The following CERS6 variants were observed in gnomAD, a reference collection of about 807,000 sequenced individuals.
CERS6 encodes LAG1 homolog, ceramide synthase 6.
CERS6 carries 26 observed loss-of-function variants against 56.8 expected under a neutral mutation model. The observed-to-expected ratio is 0.46, with a 90% CI of 0.34 to 0.63. The LOEUF is 0.63. Among genes scored for constraint, CERS6 ranks in the 30% least tolerant of loss-of-function variants. The probability of loss-of-function intolerance (pLI) is 0.01; values close to 1 mark genes in which losing one functional copy is unlikely to be tolerated. For synonymous variants in CERS6, 164 were observed against 173.3 expected (o/e 0.95, Z 0.42); for missense variants, 415 against 467.5 (o/e 0.89, Z 1.04).
rs75358647 is a variant in CERS6 at position 168,567,372 on chromosome 2, G to A, written c.407+6050G>A. Among the ~76,000 whole-genome samples, 619 of 152,192 alleles carry A rather than the reference G, an allele frequency of 4.1e-3. 4 individuals carry two copies. Among genetic ancestry groups the A allele is most frequent in the African/African-American group, 0.014 (566 of 41,526 alleles). ...GGTCAGCAAACTTTTCCTATAAATG[G>A]CCATGAAATAAATATTTTAGATCAT... is the stretch of plus-strand genomic sequence containing the variant. On this transcript the variant is annotated intron_variant, in intron 3 of 9. Coordinates refer to ENST00000305747, the MANE Select transcript of CERS6 (RefSeq NM_203463.3).
In CERS6 at chr2:168,724,639, A is replaced by G. The variant is rs550056376; in HGVS notation, c.845+6661A>G. ...CCTGAGCTAGACATAAAGGTTCTCC[A>G]AGGCCCCACCAGAGTAGCTAGATAC... is the stretch of plus-strand genomic sequence containing the variant. On this transcript the variant is annotated intron_variant, in intron 8 of 9. Coordinates refer to ENST00000305747, the MANE Select transcript of CERS6 (RefSeq NM_203463.3). Among the ~76,000 whole-genome samples the G allele has an allele frequency of 2.5e-3, 374 of 152,250 alleles. 1 individual carries two copies. Among genetic ancestry groups the G allele is most frequent in the African/African-American group, 8.4e-3 (350 of 41,518 alleles).
chr2:168,716,538 T>G (rs1045160654), intron 7 of CERS6, among the ~76,000 whole-genome samples: 1 of 152,154 alleles, frequency 6.6e-6, no homozygotes, highest in African/African-American at 2.4e-5. Flanking sequence ...TAGATTCTCT[T>G]AAACATTATA....
rs1217054410 is a variant in CERS6 at position 168,765,620 on chromosome 2, T to C, written c.874T>C (p.Trp292Arg). Reference protein sequence around the residue: ...WVLNTTLFESWEIVGPYPSWW... With the variant: ...WVLNTTLFESREIVGPYPSWW... ...GTTAAATACCACATTATTTGAAAGC[T>C]GGGAGATCGTTGGACCTTACCCTTC... is the stretch of plus-strand genomic sequence containing the variant. The change falls in exon 9 of 10, where the codon TGG becomes CGG. Residue 292 changes from tryptophan to arginine, a missense_variant. Trp to Arg is a moderately radical substitution (Grantham distance 101). Transcript: ENST00000305747. 6.2e-7 allele frequency: 1 copy of C among 1,613,990 alleles called. No individual in the cohort carries two copies. The highest frequency in any genetic ancestry group is 8.5e-7 in the Non-Finnish European group (1 of 1,179,956).
intron 1 of CERS6, among the ~76,000 whole-genome samples, chr2:168,505,980 A>AG (rs1226857452): frequency 1.3e-5 from 2 of 152,072 alleles, no homozygotes; most frequent in Non-Finnish European, 2.9e-5. Context: ...AAGGCTCCTG[A>AG]GCTGCTTTAT....
intron 1 of CERS6, among the ~76,000 whole-genome samples, chr2:168,516,360 CAT>C (rs1694884149): frequency 6.6e-6 from 1 of 151,994 alleles, no homozygotes; most frequent in African/African-American, 2.4e-5. Context: ...TATGTAATAT[CAT>C]ATAATAAATA....
intron 1 of CERS6, among the ~76,000 whole-genome samples, chr2:168,491,442 T>C (rs1166525801): frequency 2.6e-5 from 4 of 152,188 alleles, no homozygotes; most frequent in Non-Finnish European, 5.9e-5. Context: ...CTGCCACTTA[T>C]CATATTAGTA....
At chr2:168,658,121 G>A (rs1393766212) in intron 4 of CERS6, among the ~76,000 whole-genome samples, 1 of 152,156 alleles carries the variant, frequency 6.6e-6, no homozygotes, top group Non-Finnish European at 1.5e-5. Flanking sequence ...ACTTCTCTGT[G>A]CCTCAGTTTC....
At chr2:168,670,063 T>A (rs778929357) in intron 4 of CERS6, among the ~76,000 whole-genome samples, 14 of 152,214 alleles carry the variant, frequency 9.2e-5, no homozygotes, top group Admixed American at 2.6e-4. Context: ...GCAATTGGGG[T>A]GATCTAAAGA....
intron 3 of CERS6, among the ~76,000 whole-genome samples, chr2:168,573,206 T>TA (rs1198818621): frequency 4.6e-5 from 7 of 152,146 alleles, no homozygotes; most frequent in African/African-American, 9.7e-5. Context: ...AAAAAAAGGA[T>TA]AAAATCACTG....
chr2:168,537,072 C>G (rs1371440602), intron 1 of CERS6, among the ~76,000 whole-genome samples: 1 of 152,078 alleles, frequency 6.6e-6, no homozygotes, highest in East Asian at 1.9e-4. Flanking sequence ...CTTTTTTCCA[C>G]ATGGGCTTTG....
At chr2:168,753,932 G>C (rs1328117223) in intron 8 of CERS6, among the ~76,000 whole-genome samples, 1 of 152,018 alleles carries the variant, frequency 6.6e-6, no homozygotes, top group Admixed American at 6.6e-5. Flanking sequence ...TGCCGCCCAC[G>C]CCATGCCCAA....
chr2:168,746,286 T>C (rs191922062), intron 8 of CERS6, among the ~76,000 whole-genome samples: 58 of 152,358 alleles, frequency 3.8e-4, no homozygotes, highest in Non-Finnish European at 3.4e-4. Context: ...AATTACGGAA[T>C]CTAAACAATT....
At chr2:168,688,689 A>T (rs1022860768) in intron 4 of CERS6, among the ~76,000 whole-genome samples, 1 of 152,200 alleles carries the variant, frequency 6.6e-6, no homozygotes, top group African/African-American at 2.4e-5. Flanking sequence ...TTCTGTATGA[A>T]AGAATATATT....
intron 2 of CERS6, among the ~76,000 whole-genome samples, chr2:168,552,429 A>G (rs1695592944): frequency 6.6e-6 from 1 of 151,950 alleles, no homozygotes. Flanking sequence ...AATGAAAGAA[A>G]ATCTCACAAA....
intron 3 of CERS6, among the ~76,000 whole-genome samples, chr2:168,563,448 T>C (rs1421229402): frequency 1.3e-5 from 2 of 152,186 alleles, no homozygotes; most frequent in African/African-American, 4.8e-5. Flanking sequence ...AATAGTGTTA[T>C]GGAAATAAGA....
intron 8 of CERS6, among the ~76,000 whole-genome samples, chr2:168,745,385 G>A (rs11904575): frequency 0.087 from 13,240 of 151,960 alleles, 945 homozygotes; most frequent in East Asian, 0.42. Context: ...GGGACTACAG[G>A]CGCCCACCAC....
At chr2:168,610,185 G>T (rs1410841595) in intron 3 of CERS6, among the ~76,000 whole-genome samples, 2 of 151,938 alleles carry the variant, frequency 1.3e-5, no homozygotes, top group Non-Finnish European at 2.9e-5. Flanking sequence ...CACCATGTTG[G>T]CCAGGATGGT....
intron 1 of CERS6, among the ~76,000 whole-genome samples, chr2:168,494,020 C>T (rs1012199718): frequency 6.6e-6 from 1 of 152,064 alleles, no homozygotes; most frequent in Non-Finnish European, 1.5e-5. Flanking sequence ...CCAGAAGAGC[C>T]TCCTTTCTAC....
intron 4 of CERS6, among the ~76,000 whole-genome samples, chr2:168,643,175 T>C (rs1685088526): frequency 6.6e-6 from 1 of 151,998 alleles, no homozygotes; most frequent in Admixed American, 6.6e-5. Context: ...CCTTCCATCC[T>C]CACCTCAATT....
Sources: allele counts gnomAD v4.1 joint callset (sites outside exome capture counted in the v4.1 genomes callset), GRCh38; gene constraint gnomAD v4.1.1; transcripts MANE v1.5; gene names NCBI Gene and HGNC (gene_info 2026-07-23, HGNC 2026-07-21).